Variants in SLC5A12 observed in about 807,000 individuals in gnomAD.
SLC5A12 encodes sodium-coupled monocarboxylate transporter 2.
A neutral mutation model predicts 72.7 loss-of-function variants in SLC5A12; 46 were observed. That is an observed-to-expected ratio of 0.63 (90% CI 0.50 to 0.81). The LOEUF is 0.81. Among genes scored for constraint, SLC5A12 ranks in the 30% least tolerant of loss-of-function variants. SLC5A12 has a pLI of 0.00. For synonymous variants in SLC5A12, 275 were observed against 264.4 expected, an observed-to-expected ratio of 1.04 and a Z score of -0.39; for missense variants, 683 against 740.7, an observed-to-expected ratio of 0.92 and a Z score of 0.90.
In SLC5A12 at chr11:26,721,812, GGA is replaced by G; in HGVS notation, c.-100_-99del. ...CAGTACAGTGGATGCTTTGCTGAGA[GGA>G]GAGACTGTGATTCCCTGAAGAAAAT... is the stretch of plus-strand genomic sequence containing the variant. On this transcript the variant is annotated 5_prime_UTR_variant, in exon 1 of 15. Coordinates refer to ENST00000396005, the MANE Select transcript of SLC5A12 (RefSeq NM_178498.4). The G allele has an allele frequency of 9.7e-7, 1 of 1,033,716 alleles. No individual in the cohort carries two copies. The highest frequency in any genetic ancestry group is 1.6e-5 in the South Asian group (1 of 63,980). The allele number at this position is 1,033,716 out of a possible 1,614,324, so 64.0% of individuals were successfully genotyped here. A position where few individuals can be genotyped will look rare whatever the true frequency, so the allele number is the denominator to read the frequency against.
rs930941751 is a variant in SLC5A12, at chr11:26,703,446, A to C, written c.821+85T>G. 9.5e-5 allele frequency: 103 copies of C among 1,087,686 alleles called. No homozygotes were observed. In the African/African-American group the frequency reaches 1.7e-3, roughly 18 times the overall value. 67.4% of individuals were successfully genotyped at this position (1,087,686 alleles called of 1,614,324 possible). A position where few individuals can be genotyped will look rare whatever the true frequency, so the allele number is the denominator to read the frequency against. The stretch of plus-strand genomic sequence containing the variant: ...TACATACACACACACACACACACAC[A>C]CCCCCCAAGAGGAAGTATTAATATA... On this transcript the variant is annotated intron_variant, in intron 6 of 14. Coordinates refer to ENST00000396005, the MANE Select transcript of SLC5A12 (RefSeq NM_178498.4).
rs377292678 is a variant in SLC5A12, at chr11:26,686,506, C to T, written c.1192G>A (p.Ala398Thr). The change falls in exon 10 of 15, where the codon GCT becomes ACT. Residue 398 changes from alanine to threonine, a missense_variant. Transcript: ENST00000396005. Reference protein sequence around the residue: ...FGVMCTSMAVAASVMGGVVQA... With the variant: ...FGVMCTSMAVTASVMGGVVQA... ...ACAACACCTCCCATGACAGATGCAG[C>T]CACAGCCATAGAGGTACACATCACG... is the stretch of plus-strand genomic sequence containing the variant. 1.2e-6 allele frequency: 2 copies of T among 1,613,962 alleles called. No homozygotes were observed. The highest frequency in any genetic ancestry group is 1.7e-6 in the Non-Finnish European group (2 of 1,179,928).
At chr11:26,692,741 A>T in intron 8 of SLC5A12, 140 bp from the exon 9 acceptor site, 1 of 601,538 alleles carries the variant, frequency 1.7e-6, no homozygotes, top group South Asian at 2.0e-5. Context: ...CTGAGACTCC[A>T]TGGGAACTAT....
intron 9 of SLC5A12, among the ~76,000 whole-genome samples, chr11:26,687,058 A>G (rs766644219): frequency 7.2e-5 from 11 of 152,020 alleles, no homozygotes; most frequent in African/African-American, 2.7e-4. Flanking sequence ...TTTTTTTTAT[A>G]TTATCCTTAT....
Position 26,692,559 on chromosome 11 carries a change from A to C in SLC5A12, c.1083T>G (p.Phe361Leu). 6.2e-7 allele frequency: 1 copy of C among 1,614,082 alleles called. No homozygotes were observed. Among genetic ancestry groups the C allele is most frequent in the Non-Finnish European group, 8.5e-7 (1 of 1,179,950 alleles). The change falls in exon 9 of 15, where the codon TTT (phenylalanine) becomes TTG (leucine). Residue 361 changes from phenylalanine to leucine, a missense_variant. Phe to Leu is a conservative substitution (Grantham distance 22). Coordinates refer to ENST00000396005, the MANE Select transcript of SLC5A12 (RefSeq NM_178498.4). ...GAAAACAGCTCTTGACAAAATCCTC[A>C]AAGGTCACTGTTGCCAAGGCATTGA... The part of the protein sequence containing the change: ...SSINALATVT[F>L]EDFVKSCFPH...
At chr11:26,723,200 C>G (rs1351310691), upstream of SLC5A12, 2 of 152,528 alleles carry the variant, frequency 1.3e-5, no homozygotes, top group African/African-American at 2.4e-5. Context: ...AAAAAACGCT[C>G]TAATTTTGCT....
chr11:26,669,193 T>TTCTTTCTTTCTTTCTTTC lies in SLC5A12; in HGVS notation c.*1891_*1908dup. 1 of 67,918 alleles carries TTCTTTCTTTCTTTCTTTC rather than the reference T, an allele frequency of 1.5e-5. No individual in the cohort carries two copies. Among genetic ancestry groups the TTCTTTCTTTCTTTCTTTC allele is most frequent in the Non-Finnish European group, 3.7e-5 (1 of 26,680 alleles). The allele number at this position is 67,918 out of a possible 1,614,324, so 4.2% of individuals were successfully genotyped here. A position where few individuals can be genotyped will look rare whatever the true frequency, so the allele number is the denominator to read the frequency against. ...TTTCTTTCTTTCTTTCTTCTTTTCT[T>TTCTTTCTTTCTTTCTTTC]TCTTTCTTTCTTTCTTTCTTTCTTT... On this transcript the variant is annotated 3_prime_UTR_variant, in exon 15 of 15. Transcript: ENST00000396005.
intron 14 of SLC5A12, 135 bp from the exon 15 acceptor site, chr11:26,671,386 A>T (rs7101361): frequency 0.25 from 151,326 of 600,704 alleles, 20,464 homozygotes; most frequent in East Asian, 0.38. Context: ...ACTCTGACCT[A>T]AGACATTTTC....
intron 1 of SLC5A12, among the ~76,000 whole-genome samples, chr11:26,719,613 C>A (rs1855431371): frequency 6.6e-6 from 1 of 152,178 alleles, no homozygotes; most frequent in Non-Finnish European, 1.5e-5. Flanking sequence ...ACATGCCAGT[C>A]ACACTCCTTT....
At chr11:26,680,943 T>A in intron 12 of SLC5A12, 112 bp downstream of exon 12, 1 of 1,005,616 alleles carries the variant, frequency 9.9e-7, no homozygotes, top group South Asian at 3.1e-5. Flanking sequence ...CCTGAGTGAG[T>A]CTCATAAGAG....
chr11:26,681,292 AGTT>A, intron 11 of SLC5A12, 71 bp from the exon 12 acceptor site: 7 of 1,230,250 alleles, frequency 5.7e-6, no homozygotes, highest in Non-Finnish European at 7.7e-6. Context: ...TGAGATGAGG[AGTT>A]CTATGCCTTA....
Position 26,681,220 on chromosome 11 carries a change from C to T in SLC5A12, c.1310G>A (p.Gly437Asp). 2 of 1,572,468 alleles carry T rather than the reference C, an allele frequency of 1.3e-6. No individual in the cohort carries two copies. The highest frequency in any genetic ancestry group is 1.7e-6 in the Non-Finnish European group (2 of 1,161,980). ...TCCAGTAAGAAGACCTCCTAGTGCA[C>T]CCTGGATGAAGAAGAAAAAGGTTAA... ...GIVFPFVNWKGALGGLLTGIT... is the reference protein window; with the variant it reads ...GIVFPFVNWKDALGGLLTGIT... The change falls in exon 12 of 15, where the codon GGT (glycine) becomes GAT (aspartate). Residue 437 changes from glycine to aspartate, a missense_variant and splice_region_variant. Coordinates refer to ENST00000396005, the MANE Select transcript of SLC5A12 (RefSeq NM_178498.4).
In SLC5A12 at chr11:26,681,192, G is replaced by A. The variant is rs371358295; in HGVS notation, c.1338C>T (p.Ile446=). The change falls in exon 12 of 15, where the codon ATC becomes ATT. Residue 446 remains isoleucine (I), a synonymous_variant. Transcript: ENST00000396005. ...KGALGGLLTG[I]TLSFWVAIGA... ...CAATGGCCACCCAAAATGACAAGGT[G>A]ATTCCAGTAAGAAGACCTCCTAGTG... The A allele has an allele frequency of 3.7e-6, 6 of 1,607,072 alleles. No individual in the cohort carries two copies. Among genetic ancestry groups the A allele is most frequent in the African/African-American group, 1.3e-5 (1 of 74,654 alleles).
chr11:26,698,119 A>C (rs959481382), intron 7 of SLC5A12, among the ~76,000 whole-genome samples: 1 of 151,920 alleles, frequency 6.6e-6, no homozygotes, highest in African/African-American at 2.4e-5. Flanking sequence ...ACTGGTCTCG[A>C]ACTCCTGAGC....
chr11:26,682,511 A>G (rs558445340), intron 11 of SLC5A12, among the ~76,000 whole-genome samples: 2 of 152,260 alleles, frequency 1.3e-5, no homozygotes, highest in African/African-American at 2.4e-5. Context: ...AGGATCAGCT[A>G]TGGCCATTGA....
chr11:26,678,654 C>T, intron 13 of SLC5A12, 58 bp downstream of exon 13: 2 of 1,243,330 alleles, frequency 1.6e-6, no homozygotes, highest in Non-Finnish European at 2.3e-6. Flanking sequence ...AGCCAGTCCA[C>T]CAATGCATGC....
chr11:26,712,647 T>C lies in SLC5A12; in HGVS notation c.399A>G (p.Val133=). ...VRYAATVIYI[V]QTILYTGVVV... ...AGCAGCCATGACCACTTACCGTCTGTACAATGTAGATGACCGTGGCAGCAT... is the reference window on the plus strand; with the variant it reads ...AGCAGCCATGACCACTTACCGTCTGCACAATGTAGATGACCGTGGCAGCAT... The change falls in exon 2 of 15, where the codon GTA becomes GTG. Residue 133 remains valine (V), a synonymous_variant. Transcript: ENST00000396005. 2 of 1,577,506 alleles carry C rather than the reference T, an allele frequency of 1.3e-6. No homozygotes were observed. Among genetic ancestry groups the C allele is most frequent in the South Asian group, 1.2e-5 (1 of 86,832 alleles).
chr11:26,687,617 C>A (rs1329791421), intron 9 of SLC5A12, among the ~76,000 whole-genome samples: 1 of 152,172 alleles, frequency 6.6e-6, no homozygotes, highest in African/African-American at 2.4e-5. Context: ...CAGTGCCTGG[C>A]ACGCAGCAAG....
chr11:26,720,812 T>C (rs1029788881), intron 1 of SLC5A12, among the ~76,000 whole-genome samples: 19 of 8,972 alleles, frequency 2.1e-3, no homozygotes, highest in Admixed American at 4.2e-3. Flanking sequence ...TTCGTTAAAA[T>C]GTTTTGTACT....
Sources: gnomAD v4.1 joint callset for allele counts (sites outside exome capture counted in the v4.1 genomes callset) on GRCh38, gnomAD v4.1.1 for gene constraint, MANE v1.5 for transcripts, NCBI Gene and HGNC (gene_info 2026-07-23, HGNC 2026-07-21) for gene names.